Variants in SCAF1 observed in about 807,000 individuals in gnomAD.
SCAF1 encodes the protein SR-related CTD associated factor 1, also known as splicing factor, arginine/serine-rich 19.
A neutral mutation model predicts 91.2 loss-of-function variants in SCAF1; 28 were observed. That is an observed-to-expected ratio of 0.31 (90% confidence interval 0.23 to 0.42). The LOEUF (loss-of-function observed/expected upper bound fraction) is 0.42. SCAF1 is among the 10% of genes least tolerant of loss of function. The pLI is 1.00. For synonymous variants in SCAF1, 1,036 were observed against 833.7 expected, an observed-to-expected ratio of 1.24 and a Z score of -4.18; for missense variants, 1,893 against 1,872.1, an observed-to-expected ratio of 1.01 and a Z score of -0.21.
chr19:49,653,630 C>A lies in SCAF1; in HGVS notation c.3241C>A (p.Leu1081Met). 6.3e-7 allele frequency: 1 copy of A among 1,585,194 alleles called. No homozygotes were observed. Among genetic ancestry groups the A allele is most frequent in the Non-Finnish European group, 8.5e-7 (1 of 1,170,672 alleles). ...CGGGCCAGCTTCCCGTGTCTCCCAG[C>A]TGCCCACGTTGCCCCCGCCCATGCC... Reference protein sequence around the residue: ...EDGPASRVSQLPTLPPPMPWN... With the variant: ...EDGPASRVSQMPTLPPPMPWN... Residue 1081 changes from leucine to methionine, a missense_variant, in exon 7 of 11, where the codon CTG becomes ATG. Around this residue, in one of 5 missense-constraint regions of SCAF1, gnomAD observed 1,436 missense variants for 1,306.8 expected, o/e 1.10. Transcript: ENST00000360565.
In SCAF1 at chr19:49,652,421, C is replaced by A; in HGVS notation, c.2032C>A (p.Arg678Ser). Residue 678 changes from arginine to serine, a missense_variant, in exon 7 of 11, where the codon CGC becomes AGC. Coordinates refer to ENST00000360565, the MANE Select transcript of SCAF1 (RefSeq NM_021228.3). ...PPSGSTSCGD[R>S]DSRRRGAVPP... Reference sequence around the variant, plus strand: ...CTCTGGCTCCACCTCGTGTGGTGACCGCGACAGCCGCCGCCGGGGGGCCGT... The same window carrying A: ...CTCTGGCTCCACCTCGTGTGGTGACAGCGACAGCCGCCGCCGGGGGGCCGT... 6.3e-7 allele frequency: 1 copy of A among 1,595,832 alleles called. No individual in the cohort carries two copies. Among genetic ancestry groups the A allele is most frequent in the Non-Finnish European group, 8.5e-7 (1 of 1,175,604 alleles).
chr19:49,656,104 C>T (rs2081137522), intron 9 of SCAF1, among the ~76,000 whole-genome samples: 1 of 152,256 alleles, frequency 6.6e-6, no homozygotes, highest in Admixed American at 6.5e-5. Flanking sequence ...AGAGGCGGGG[C>T]TGCAGTTTAG....
chr19:49,646,909 C>T lies in SCAF1; in HGVS notation c.478+79C>T. 6 of 1,046,504 alleles carry T rather than the reference C, an allele frequency of 5.7e-6. No homozygotes were observed. 64.8% of individuals were successfully genotyped at this position (1,046,504 alleles called of 1,614,324 possible). On this transcript the variant is annotated intron_variant, in intron 6 of 10. Coordinates refer to ENST00000360565, the MANE Select transcript of SCAF1 (RefSeq NM_021228.3). This position sits in a 1 kb window ranked among gnomAD's most constrained non-coding sequence, Gnocchi z 5.6. The stretch of plus-strand genomic sequence containing the variant: ...CGGCTGTTTTTGGTAGTGATGGTAG[C>T]GGTGATCATGTTATTTAGACAAAAC...
Position 49,651,790 on chromosome 19 carries a change from T to G in SCAF1, c.1401T>G (p.Ala467=). The G allele has an allele frequency of 6.5e-5, 79 of 1,220,660 alleles. No homozygotes were observed. The highest frequency in any genetic ancestry group is 1.2e-4 in the East Asian group (3 of 24,010). 75.6% of individuals were successfully genotyped at this position (1,220,660 alleles called of 1,614,324 possible). A position where few individuals can be genotyped will look rare whatever the true frequency, so the allele number is the denominator to read the frequency against. The stretch of plus-strand genomic sequence containing the variant: ...TGCAGGTGGACCTAGGGGAGCCGGC[T>G]CCCGCGCCGCCCGCCGCCGACTCGC... ...GALQVDLGEP[A]PAPPAADSRW... The change falls in exon 7 of 11, where the codon GCT becomes GCG. Residue 467 remains alanine (A), a synonymous_variant. Transcript: ENST00000360565.
intron 6 of SCAF1, 74 bp from the exon 7 acceptor site, chr19:49,650,794 C>T (rs902276263): frequency 1.3e-5 from 17 of 1,260,040 alleles, no homozygotes; most frequent in Non-Finnish European, 1.7e-5. Flanking sequence ...GGAGTGTCCA[C>T]GGCTGGGCCA....
rs1019650050 is a variant in SCAF1, at chr19:49,646,052, G to T, written c.167-56G>T. On this transcript the variant is annotated intron_variant, in intron 3 of 10. Coordinates refer to ENST00000360565, the MANE Select transcript of SCAF1 (RefSeq NM_021228.3). This position sits in a 1 kb window ranked among gnomAD's most constrained non-coding sequence, Gnocchi z 5.6. The stretch of plus-strand genomic sequence containing the variant: ...ATCAAGCTCCTCTTTCCTCTACCCC[G>T]CAAGTCTCTGCAGCAAGTCCCCTGT... 4 of 1,502,076 alleles carry T rather than the reference G, an allele frequency of 2.7e-6. No homozygotes were observed. Among genetic ancestry groups the T allele is most frequent in the East Asian group, 4.5e-5 (2 of 44,376 alleles). 93.0% of individuals were successfully genotyped at this position (1,502,076 alleles called of 1,614,324 possible). A position where few individuals can be genotyped will look rare whatever the true frequency, so the allele number is the denominator to read the frequency against.
intron 6 of SCAF1, among the ~76,000 whole-genome samples, chr19:49,648,430 A>T (rs1002039776): frequency 1.2e-4 from 18 of 151,702 alleles, no homozygotes; most frequent in South Asian, 2.1e-4. Flanking sequence ...TTATTTTTTT[A>T]AAATTTTTAA....
chr19:49,646,138 G>A lies in SCAF1; in HGVS notation c.197G>A (p.Arg66Gln), dbSNP rs776289925. ...DGSRCHGLRWRRCRSPRSEPR... is the reference protein window; with the variant it reads ...DGSRCHGLRWQRCRSPRSEPR... ...TCTCGGTGTCATGGCCTTCGATGGC[G>A]GCGCTGCCGGAGTCCACGGTCAGAG... Residue 66 changes from arginine (R) to glutamine (Q), a missense_variant, in exon 4 of 11, where the codon CGG (arginine) becomes CAG (glutamine). Around this residue, in one of 5 missense-constraint regions of SCAF1, gnomAD observed 270 missense variants for 292.5 expected, o/e 0.92. Transcript: ENST00000360565. The surrounding 1 kb of genome is among the most constrained non-coding windows in gnomAD (Gnocchi z 5.6). 7 of 1,611,528 alleles carry A rather than the reference G, an allele frequency of 4.3e-6. No individual in the cohort carries two copies. The highest frequency in any genetic ancestry group is 3.3e-5 in the Admixed American group (2 of 59,916).
In SCAF1 at chr19:49,652,603, C is replaced by T. The variant is rs1203887914; in HGVS notation, c.2214C>T (p.Ser738=). 2.6e-6 allele frequency: 4 copies of T among 1,563,060 alleles called. No homozygotes were observed. The highest frequency in any genetic ancestry group is 2.4e-5 in the East Asian group (1 of 41,804). ...REVLYDSEGL[S]GEERGGKSSQ... ...TCCTGTACGACTCCGAGGGACTGAG[C>T]GGCGAGGAGCGGGGCGGCAAGAGCA... Residue 738 remains serine (S), a synonymous_variant, in exon 7 of 11, where the codon AGC becomes AGT. Coordinates refer to ENST00000360565, the MANE Select transcript of SCAF1 (RefSeq NM_021228.3).
intron 6 of SCAF1, among the ~76,000 whole-genome samples, chr19:49,650,023 G>A (rs546489875): frequency 2.2e-4 from 34 of 152,298 alleles, no homozygotes; most frequent in African/African-American, 6.7e-4. Context: ...CATCTCCATC[G>A]TGTGACTGTG....
Position 49,650,903 on chromosome 19 carries a change from G to A in SCAF1, c.514G>A (p.Ala172Thr), listed in dbSNP as rs1399443436. The change falls in exon 7 of 11, where the codon GCC (alanine) becomes ACC (threonine). Residue 172 changes from alanine (A) to threonine (T), a missense_variant. Physicochemically the swap from Ala to Thr is moderately conservative, Grantham distance 58. Around this residue, in one of 5 missense-constraint regions of SCAF1, gnomAD observed 270 missense variants for 292.5 expected, o/e 0.92. Coordinates refer to ENST00000360565, the MANE Select transcript of SCAF1 (RefSeq NM_021228.3). ...GTCGAACTCCTCTAGGCCCACCTGT[G>A]CCCGTCACCTCACCTTGGGCACGGG... ...PQSNSSRPTC[A>T]RHLTLGTGDG... is the part of the protein sequence containing the mutation. 15 of 1,610,618 alleles carry A rather than the reference G, an allele frequency of 9.3e-6. No homozygotes were observed. Among genetic ancestry groups the A allele is most frequent in the Non-Finnish European group, 1.2e-5 (14 of 1,178,614 alleles).
In SCAF1 at chr19:49,652,670, TC is replaced by T; in HGVS notation, c.2283del (p.Ser762LeufsTer70). The T allele has an allele frequency of 6.4e-7, 1 of 1,564,368 alleles. No individual in the cohort carries two copies. The highest frequency in any genetic ancestry group is 8.7e-7 in the Non-Finnish European group (1 of 1,154,610). ...CCGCTCGGGGGCCGCCTCCTCCTCCTCCTCTTCCCGGGAGAAGGGGTCTCGT... is the reference window on the plus strand; with the variant it reads ...CCGCTCGGGGGCCGCCTCCTCCTCCTCTCTTCCCGGGAGAAGGGGTCTCGT... ...RRRSGAASSS[S>X]SSREKGSRRK... On this transcript the variant is annotated frameshift_variant, in exon 7 of 11. Transcript: ENST00000360565. LOFTEE classifies it high-confidence loss of function.
Position 49,653,189 on chromosome 19 carries a change from G to C in SCAF1, c.2800G>C (p.Gly934Arg). The change falls in exon 7 of 11, where the codon GGG becomes CGG. Residue 934 changes from glycine to arginine, a missense_variant. By Grantham distance (125) the Gly-to-Arg change is moderately radical. This residue lies in a region of SCAF1 where 1,436 missense variants were observed against 1,306.8 expected (regional missense o/e 1.10). Transcript: ENST00000360565. ...AAAGGTCCGCAGTGGAGGTGGCAGC[G>C]GGGGCAGTGGTGGCCAGGTGTCGCT... ...RKKVRSGGGS[G>R]GSGGQVSLKK... 6.4e-7 allele frequency: 1 copy of C among 1,564,594 alleles called. No individual in the cohort carries two copies. The highest frequency in any genetic ancestry group is 8.6e-7 in the Non-Finnish European group (1 of 1,156,206).
Position 49,651,959 on chromosome 19 carries a change from A to G in SCAF1, c.1570A>G (p.Lys524Glu). ...PTRKKSRRER[K>E]RSGEAKEAAS... ...GCGCAAGAAGTCCAGGCGGGAACGC[A>G]AGCGCAGCGGCGAGGCCAAGGAGGC... is the stretch of plus-strand genomic sequence containing the variant. Residue 524 changes from lysine to glutamate, a missense_variant, in exon 7 of 11, where the codon AAG becomes GAG. Coordinates refer to ENST00000360565, the MANE Select transcript of SCAF1 (RefSeq NM_021228.3). 8.3e-7 allele frequency: 1 copy of G among 1,198,648 alleles called. No homozygotes were observed. Among genetic ancestry groups the G allele is most frequent in the Non-Finnish European group, 1.0e-6 (1 of 956,418 alleles). 74.3% of individuals were successfully genotyped at this position (1,198,648 alleles called of 1,614,324 possible). A position where few individuals can be genotyped will look rare whatever the true frequency, so the allele number is the denominator to read the frequency against.
Position 49,651,747 on chromosome 19 carries a change from C to A in SCAF1, c.1358C>A (p.Ser453Ter). The stretch of plus-strand genomic sequence containing the variant: ...GACTTCTTGTCCCTGCATGCGGAGT[C>A]GGACGGCGAGGGCGCCCTGCAGGTG... ...GDDFLSLHAESDGEGALQVDL... is the reference protein window; with the variant it reads ...GDDFLSLHAE The change falls in exon 7 of 11, where the codon TCG (serine) becomes TAG (stop). Residue 453 changes from serine to a stop codon, truncating the protein, a stop_gained. Coordinates refer to ENST00000360565, the MANE Select transcript of SCAF1 (RefSeq NM_021228.3). LOFTEE classifies it high-confidence loss of function. 7.5e-7 allele frequency: 1 copy of A among 1,338,798 alleles called. No individual in the cohort carries two copies. The highest frequency in any genetic ancestry group is 1.8e-5 in the South Asian group (1 of 55,744). 82.9% of individuals were successfully genotyped at this position (1,338,798 alleles called of 1,614,324 possible).
At chr19:49,657,370 C>T (rs1163361381) in intron 9 of SCAF1, among the ~76,000 whole-genome samples, 2 of 152,076 alleles carry the variant, frequency 1.3e-5, no homozygotes, top group African/African-American at 4.8e-5. Context: ...CCCGCTCCCG[C>T]GGTGAAAAGC....
chr19:49,651,376 G>T lies in SCAF1; in HGVS notation c.987G>T (p.Pro329=). The T allele has an allele frequency of 6.2e-7, 1 of 1,607,472 alleles. No homozygotes were observed. Among genetic ancestry groups the T allele is most frequent in the Non-Finnish European group, 8.5e-7 (1 of 1,179,308 alleles). Residue 329 remains proline, a synonymous_variant, in exon 7 of 11, where the codon CCG becomes CCT. Coordinates refer to ENST00000360565, the MANE Select transcript of SCAF1 (RefSeq NM_021228.3). ...GCCCGGACGCGCAGCCCACACAGCC[G>T]ACTCCCGCCCCTGGAACGCCGCCCC... The part of the protein sequence containing the change: ...SPRPDAQPTQ[P]TPAPGTPPQV...
Position 49,658,529 on chromosome 19 carries a change from C to G in SCAF1, c.*130C>G. On this transcript the variant is annotated 3_prime_UTR_variant, in exon 11 of 11. Transcript: ENST00000360565. ...GTTGCTGCAGGGAAGAGGAGAGCCC[C>G]CTGCCCTGCCCTGCCCCGTGTCCAC... is the stretch of plus-strand genomic sequence containing the variant. The G allele has an allele frequency of 1.6e-6, 1 of 618,656 alleles. No homozygotes were observed. Among genetic ancestry groups the G allele is most frequent in the Non-Finnish European group, 2.8e-6 (1 of 351,524 alleles). 38.3% of individuals were successfully genotyped at this position (618,656 alleles called of 1,614,324 possible).
chr19:49,654,827 G>T lies in SCAF1; in HGVS notation c.3575G>T (p.Arg1192Ile). ...GGGCTGGCTGCCACGTCTGACAAGAGAGAGGGCAGCAGCAGCTCTGAGGGC... is the reference window on the plus strand; with the variant it reads ...GGGCTGGCTGCCACGTCTGACAAGATAGAGGGCAGCAGCAGCTCTGAGGGC... ...PTGLAATSDK[R>I]EGSSSSEGRG... is the part of the protein sequence containing the mutation. Residue 1192 changes from arginine (R) to isoleucine (I), a missense_variant, in exon 9 of 11, where the codon AGA (arginine) becomes ATA (isoleucine). By Grantham distance (97) the Arg-to-Ile change is moderately conservative. Around this residue, in one of 5 missense-constraint regions of SCAF1, gnomAD observed 1,436 missense variants for 1,306.8 expected, o/e 1.10. Transcript: ENST00000360565. 1 of 1,611,632 alleles carries T rather than the reference G, an allele frequency of 6.2e-7. No homozygotes were observed. Among genetic ancestry groups the T allele is most frequent in the South Asian group, 1.1e-5 (1 of 90,960 alleles).
Sources: allele counts gnomAD v4.1 joint callset (sites outside exome capture counted in the v4.1 genomes callset), GRCh38; gene constraint gnomAD v4.1.1; regional missense constraint gnomAD v4.1.1; non-coding constraint Gnocchi (gnomAD v3.1); transcripts MANE v1.5; gene names NCBI Gene and HGNC (gene_info 2026-07-23, HGNC 2026-07-21).